Variants in CACNA2D3 observed in about 807,000 individuals in gnomAD.
CACNA2D3 encodes the protein calcium voltage-gated channel auxiliary subunit alpha2delta 3, also known as voltage-dependent calcium channel subunit alpha-2/delta-3.
CACNA2D3 carries 60 observed loss-of-function variants against 160.6 expected under a neutral mutation model. That is an observed-to-expected ratio of 0.37 (90% CI 0.30 to 0.46). The LOEUF (loss-of-function observed/expected upper bound fraction) is 0.46. Ranked by LOEUF, CACNA2D3 falls within the 20% of genes least tolerant of loss-of-function variation. The pLI, the probability that CACNA2D3 is intolerant of heterozygous loss-of-function variation, is 1.00. For missense variants in CACNA2D3, 1,205 were observed against 1,365.0 expected (o/e 0.88, Z 1.85); for synonymous variants, 558 against 492.9 (o/e 1.13, Z -1.75).
chr3:54,806,898 T>C (rs191194618), intron 13 of CACNA2D3, among the ~76,000 whole-genome samples: 193 of 152,236 alleles, frequency 1.3e-3, no homozygotes, highest in Non-Finnish European at 1.7e-3. Flanking sequence ...GAAATAATGC[T>C]GCATATCTAC....
chr3:54,485,940 A>G (rs1701009068), intron 4 of CACNA2D3, among the ~76,000 whole-genome samples: 1 of 152,132 alleles, frequency 6.6e-6, no homozygotes, highest in African/African-American at 2.4e-5. Context: ...CCCAATAACT[A>G]TGCACAACTT....
At chr3:54,702,735 A>C (rs1179353363) in intron 11 of CACNA2D3, among the ~76,000 whole-genome samples, 1 of 152,188 alleles carries the variant, frequency 6.6e-6, no homozygotes, top group Admixed American at 6.5e-5. Context: ...AAAGTACTGA[A>C]AGTATACCCA....
Position 54,375,480 on chromosome 3 carries a change from T to G in CACNA2D3, c.322-11235T>G, listed in dbSNP as rs776326654. ...GGTGACATCCTTGAGGAGGAGTCAT[T>G]TGAGCTGCAGAGTGACCAATGAGGG... On this transcript the variant is annotated intron_variant, in intron 3 of 37. Coordinates refer to ENST00000474759, the MANE Select transcript of CACNA2D3 (RefSeq NM_018398.3). Among the ~76,000 whole-genome samples the G allele has an allele frequency of 3.9e-5, 6 of 152,068 alleles. No individual in the cohort carries two copies. The South Asian group carries it at 6.2e-4, about 16-fold the overall frequency.
Position 54,753,486 on chromosome 3 carries a change from T to G in CACNA2D3, c.1246+809T>G, listed in dbSNP as rs1393584882. ...AGAACAGTCACGAGATGCAGCAGCC[T>G]TCATCAGCCTGGGTCCCTGAGTGAG... On this transcript the variant is annotated intron_variant, in intron 12 of 37. Transcript: ENST00000474759. Among the ~76,000 whole-genome samples, 7 of 152,308 alleles carry G rather than the reference T, an allele frequency of 4.6e-5. No homozygotes were observed. The East Asian group carries it at 1.4e-3, about 29-fold the overall frequency.
At chr3:54,575,137 G>C (rs17731375) in intron 8 of CACNA2D3, among the ~76,000 whole-genome samples, 4,010 of 152,264 alleles carry the variant, frequency 0.026, 117 homozygotes, top group East Asian at 0.091. Flanking sequence ...TCAAAATAAT[G>C]TGTGTTCATC....
chr3:54,880,244 C>G (rs1168495691), intron 20 of CACNA2D3, among the ~76,000 whole-genome samples: 1 of 152,176 alleles, frequency 6.6e-6, no homozygotes, highest in Non-Finnish European at 1.5e-5. Context: ...TAGTCTCTTG[C>G]TTTTGATAAA....
At chr3:54,713,726 C>T (rs148173577) in intron 11 of CACNA2D3, among the ~76,000 whole-genome samples, 141 of 152,312 alleles carry the variant, frequency 9.3e-4, no homozygotes, top group Non-Finnish European at 1.5e-3. Flanking sequence ...GGTTCATACA[C>T]AGTAAGGGTC....
Position 54,736,009 on chromosome 3 carries a change from A to ATG in CACNA2D3, c.1168-16589_1168-16588insGT, listed in dbSNP as rs1237083334. Among the ~76,000 whole-genome samples the ATG allele has an allele frequency of 2.5e-4, 23 of 93,034 alleles. 1 individual carries two copies. The highest frequency in any genetic ancestry group is 6.4e-4 in the East Asian group (3 of 4,666). The allele number at this position is 93,034 out of a possible 152,430, so 61.0% of individuals were successfully genotyped here. On this transcript the variant is annotated intron_variant, in intron 11 of 37. Transcript: ENST00000474759. ...TATATATATACATATATATATATGTATATATATACACATACATATATATAT... is the reference window on the plus strand; with the variant it reads ...TATATATATACATATATATATATGTATGTATATATACACATACATATATATAT...
At chr3:54,709,405 AG>A (rs987092519) in intron 11 of CACNA2D3, among the ~76,000 whole-genome samples, 2 of 150,328 alleles carry the variant, frequency 1.3e-5, no homozygotes, top group African/African-American at 4.9e-5. Flanking sequence ...TCTGTTGCCC[AG>A]GCTGGAGGGC....
Position 54,386,622 on chromosome 3 carries a change from TATA to T in CACNA2D3, c.322-89_322-87del, listed in dbSNP as rs201860777. 433 of 1,161,070 alleles carry T rather than the reference TATA, an allele frequency of 3.7e-4. 3 individuals carry two copies. The East Asian group carries it at 1.0e-2, about 27-fold the overall frequency. 71.9% of individuals were successfully genotyped at this position (1,161,070 alleles called of 1,614,324 possible). ...TCAGATCACAATGTATGAACCACGA[TATA>T]ATATGTCACTTTTGGTCAATGGAGA... On this transcript the variant is annotated intron_variant, in intron 3 of 37. Transcript: ENST00000474759.
At chr3:54,702,248 C>T (rs935240962) in intron 11 of CACNA2D3, among the ~76,000 whole-genome samples, 8 of 152,084 alleles carry the variant, frequency 5.3e-5, no homozygotes, top group Admixed American at 2.6e-4. Context: ...GCAACAAAAA[C>T]ATTGACAAGT....
intron 2 of CACNA2D3, among the ~76,000 whole-genome samples, chr3:54,127,011 C>G (rs1001413213): frequency 6.6e-6 from 1 of 152,198 alleles, no homozygotes; most frequent in African/African-American, 2.4e-5. Flanking sequence ...CTGTTAAACT[C>G]AGTCTCCACA....
At chr3:54,335,002 G>A (rs1704342919) in intron 3 of CACNA2D3, among the ~76,000 whole-genome samples, 1 of 152,166 alleles carries the variant, frequency 6.6e-6, no homozygotes, top group African/African-American at 2.4e-5. Flanking sequence ...GAGTTATTTT[G>A]AGGGTCAAAT....
chr3:54,210,803 G>A (rs1431266894), intron 2 of CACNA2D3, among the ~76,000 whole-genome samples: 1 of 152,170 alleles, frequency 6.6e-6, no homozygotes, highest in Non-Finnish European at 1.5e-5. Context: ...GACCTGTGCT[G>A]AGACTAAGAG....
chr3:54,758,799 G>A (rs1171302355), intron 12 of CACNA2D3, among the ~76,000 whole-genome samples: 2 of 152,074 alleles, frequency 1.3e-5, no homozygotes, highest in Non-Finnish European at 2.9e-5. Context: ...CTTAAGGTGG[G>A]AAGAGTCTTT....
chr3:54,137,513 A>G (rs1699836243), intron 2 of CACNA2D3, among the ~76,000 whole-genome samples: 1 of 152,212 alleles, frequency 6.6e-6, no homozygotes, highest in Non-Finnish European at 1.5e-5. Flanking sequence ...CTGGTGCAAG[A>G]ATTGCTCCCT....
intron 5 of CACNA2D3, among the ~76,000 whole-genome samples, chr3:54,515,345 T>C (rs1347622071): frequency 1.3e-5 from 2 of 152,204 alleles, no homozygotes. Flanking sequence ...ATGAGGAACA[T>C]GTGCTGCTTT....
chr3:54,931,656 G>A (rs779557996), intron 27 of CACNA2D3, among the ~76,000 whole-genome samples: 29 of 152,320 alleles, frequency 1.9e-4, no homozygotes, highest in Admixed American at 3.3e-4. Context: ...AGATGCACCC[G>A]TAGAGTAAAA....
chr3:54,947,693 C>T (rs1036290943), intron 27 of CACNA2D3, among the ~76,000 whole-genome samples: 4 of 152,112 alleles, frequency 2.6e-5, no homozygotes, highest in Non-Finnish European at 5.9e-5. Flanking sequence ...GAGGTCCTGA[C>T]TCTTATCAGT....
Sources: gnomAD v4.1 joint callset for allele counts (sites outside exome capture counted in the v4.1 genomes callset) on GRCh38, gnomAD v4.1.1 for gene constraint, MANE v1.5 for transcripts, NCBI Gene and HGNC (gene_info 2026-07-23, HGNC 2026-07-21) for gene names.